CAPN13: variants seen among roughly 807,000 people sequenced by gnomAD.
CAPN13 encodes calpain-13.
In CAPN13, 90 loss-of-function variants were observed where a neutral mutation model predicts 98.4. That is an observed-to-expected ratio of 0.92 (90% CI 0.77 to 1.09). The LOEUF (loss-of-function observed/expected upper bound fraction) is 1.09. CAPN13 is among the 50% of genes least tolerant of loss of function. The pLI, the probability that CAPN13 is intolerant of heterozygous loss-of-function variation, is 0.00. For missense variants in CAPN13, 887 were observed against 841.3 expected (o/e 1.05, Z -0.67); for synonymous variants, 330 against 305.5 (o/e 1.08, Z -0.84).
intron 1 of CAPN13, among the ~76,000 whole-genome samples, chr2:30,797,138 A>G (rs1674928585): frequency 6.6e-6 from 1 of 152,186 alleles, no homozygotes; most frequent in South Asian, 2.1e-4. Context: ...TTTACTGGAC[A>G]GAAGGCCGAC....
In CAPN13 at chr2:30,753,111, G is replaced by A. The variant is rs1476997807; in HGVS notation, c.1029C>T (p.Leu343=). The A allele has an allele frequency of 2.5e-6, 4 of 1,613,878 alleles. No homozygotes were observed. Among genetic ancestry groups the A allele is most frequent in the African/African-American group, 2.7e-5 (2 of 74,938 alleles). Residue 343 remains leucine, a synonymous_variant, in exon 10 of 23, where the codon CTC becomes CTT. Coordinates refer to ENST00000295055, the MANE Select transcript of CAPN13 (RefSeq NM_144575.3). ...IPITLDHGNT[L]HEGWSQIMFR... Reference sequence around the variant, plus strand: ...ACATTATTTGGGACCATCCTTCGTGGAGTGTGTTTCCATGGTCCAGGGTAA... The same window carrying A: ...ACATTATTTGGGACCATCCTTCGTGAAGTGTGTTTCCATGGTCCAGGGTAA...
chr2:30,740,084 T>C (rs1671575467), intron 15 of CAPN13, among the ~76,000 whole-genome samples: 1 of 3,786 alleles, frequency 2.6e-4, no homozygotes, highest in African/African-American at 6.6e-4. Flanking sequence ...TGTATTAGGT[T>C]TTTTTTTTTT....
chr2:30,735,217 G>A (rs556034650), intron 18 of CAPN13, among the ~76,000 whole-genome samples: 7 of 152,244 alleles, frequency 4.6e-5, no homozygotes, highest in East Asian at 1.9e-4. Context: ...GGTCAACATC[G>A]TACTTCACAG....
chr2:30,732,157 A>G (rs1030522786), intron 20 of CAPN13, among the ~76,000 whole-genome samples: 2 of 152,238 alleles, frequency 1.3e-5, no homozygotes, highest in African/African-American at 4.8e-5. Context: ...AATGATAAAC[A>G]CAACCTGGAG....
At chr2:30,725,174 T>G (rs928516659) in intron 22 of CAPN13, among the ~76,000 whole-genome samples, 2 of 152,188 alleles carry the variant, frequency 1.3e-5, no homozygotes, top group Non-Finnish European at 2.9e-5. Flanking sequence ...TTAAAATCAA[T>G]ACAGCCTCAA....
At chr2:30,757,631 T>A (rs1036604966) in intron 8 of CAPN13, among the ~76,000 whole-genome samples, 12 of 152,172 alleles carry the variant, frequency 7.9e-5, no homozygotes, top group African/African-American at 2.7e-4. Flanking sequence ...CAGAATCCCA[T>A]GGGTCCCTCC....
intron 18 of CAPN13, 113 bp from the exon 19 acceptor site, chr2:30,734,637 C>T (rs1671267903): frequency 3.8e-6 from 3 of 796,094 alleles, no homozygotes; most frequent in Admixed American, 2.0e-5. Context: ...ACGGTCACAG[C>T]ACTGAGGACT....
In CAPN13 at chr2:30,737,966, G is replaced by GACACACAC. The variant is rs71831494; in HGVS notation, c.1653+261_1653+268dup. 2.8e-4 allele frequency: 105 copies of GACACACAC among 373,490 alleles called. 1 individual carries two copies. The highest frequency in any genetic ancestry group is 1.9e-3 in the African/African-American group (89 of 45,982). The allele number at this position is 373,490 out of a possible 1,614,324, so 23.1% of individuals were successfully genotyped here. A position where few individuals can be genotyped will look rare whatever the true frequency, so the allele number is the denominator to read the frequency against. ...GAGGGATTGCTTCAAGAATTATAAG[G>GACACACAC]ACACACACACACACACACACACACA... On this transcript the variant is annotated intron_variant, in intron 17 of 22. Transcript: ENST00000295055.
chr2:30,764,012 T>C, intron 6 of CAPN13, 120 bp downstream of exon 6: 2 of 984,684 alleles, frequency 2.0e-6, no homozygotes, highest in South Asian at 3.3e-5. Flanking sequence ...TAAAGCACGC[T>C]ATCAGTGTTC....
intron 1 of CAPN13, among the ~76,000 whole-genome samples, chr2:30,805,952 T>C (rs577034204): frequency 2.6e-4 from 40 of 152,034 alleles, no homozygotes; most frequent in African/African-American, 9.6e-4. Context: ...CAATTTTTAA[T>C]TTATTTTTGT....
At chr2:30,804,949 T>C (rs912375495) in intron 1 of CAPN13, among the ~76,000 whole-genome samples, 5 of 152,192 alleles carry the variant, frequency 3.3e-5, no homozygotes, top group African/African-American at 1.2e-4. Context: ...AATTCAGTCT[T>C]TATTAAACCT....
rs1408653995 is a variant in CAPN13 at position 30,743,588 on chromosome 2, A to G, written c.1249-9T>C. On this transcript the variant is annotated splice_polypyrimidine_tract_variant and intron_variant, in intron 12 of 22. Transcript: ENST00000295055. ...AATTTCTCCCGGAACCGCTGGAATT[A>G]GAGGAAACACAATGATTGTGAGAAA... 4 of 1,613,720 alleles carry G rather than the reference A, an allele frequency of 2.5e-6. No homozygotes were observed. The African/African-American group carries it at 5.3e-5, about 22-fold the overall frequency.
intron 19 of CAPN13, among the ~76,000 whole-genome samples, chr2:30,734,044 AG>A (rs1204361753): frequency 6.6e-6 from 1 of 152,216 alleles, no homozygotes; most frequent in Non-Finnish European, 1.5e-5. Flanking sequence ...GATTTAATTT[AG>A]CCCCAAACTC....
intron 1 of CAPN13, among the ~76,000 whole-genome samples, chr2:30,793,274 A>G (rs1483120079): frequency 6.6e-6 from 1 of 151,766 alleles, no homozygotes; most frequent in Non-Finnish European, 1.5e-5. Flanking sequence ...GTAAGGTCAC[A>G]AGATACAAGG....
intron 17 of CAPN13, chr2:30,737,845 T>C (rs1163864145): frequency 8.6e-6 from 2 of 232,500 alleles, no homozygotes; most frequent in African/African-American, 2.2e-5. Context: ...AATCTGAGCA[T>C]GAGTCCTGAC....
chr2:30,725,746 T>C (rs558325103), intron 22 of CAPN13, among the ~76,000 whole-genome samples: 27 of 152,254 alleles, frequency 1.8e-4, no homozygotes, highest in African/African-American at 6.5e-4. Flanking sequence ...AGAAGAAACT[T>C]TGTAATAGCA....
intron 4 of CAPN13, among the ~76,000 whole-genome samples, chr2:30,771,349 T>G (rs1216996949): frequency 5.3e-5 from 8 of 152,162 alleles, no homozygotes; most frequent in Non-Finnish European, 1.0e-4. Context: ...TGGGATCGCT[T>G]ATCCACGTGG....
intron 5 of CAPN13, among the ~76,000 whole-genome samples, chr2:30,766,556 G>GGA (rs940097783): frequency 6.6e-6 from 1 of 152,088 alleles, no homozygotes; most frequent in Non-Finnish European, 1.5e-5. Context: ...GAAGTAGAAA[G>GGA]GAGAGAGAGA....
At chr2:30,746,890 G>T (rs1412313889) in intron 11 of CAPN13, among the ~76,000 whole-genome samples, 1 of 152,180 alleles carries the variant, frequency 6.6e-6, no homozygotes, top group Non-Finnish European at 1.5e-5. Flanking sequence ...AGCCCTGAAA[G>T]GTGTGGTTAC....
Sources: allele counts gnomAD v4.1 joint callset (sites outside exome capture counted in the v4.1 genomes callset), GRCh38; gene constraint gnomAD v4.1.1; transcripts MANE v1.5; gene names NCBI Gene and HGNC (gene_info 2026-07-23, HGNC 2026-07-21).